The following WWOX variants were observed in gnomAD, a reference collection of about 807,000 sequenced individuals.
The protein encoded by WWOX is WW domain containing oxidoreductase.
Under a neutral mutation model 46.2 loss-of-function variants are expected in WWOX, and 69 were observed. The ratio of observed to expected loss-of-function variants is 1.49; its 90% confidence interval spans 1.23 to 1.82. The LOEUF is 1.82. Among genes scored for constraint, WWOX ranks in the 40% most tolerant of loss-of-function variants. The pLI, the probability that WWOX is intolerant of heterozygous loss-of-function variation, is 0.00. For synonymous variants in WWOX, 359 were observed against 202.6 expected (o/e 1.77, Z -6.56); for missense variants, 919 against 542.6 (o/e 1.69, Z -6.89).
At chr16:78,785,889 G>A (rs1345981953) in intron 8 of WWOX, among the ~76,000 whole-genome samples, 15 of 152,010 alleles carry the variant, frequency 9.9e-5, no homozygotes, top group Admixed American at 9.8e-4. Flanking sequence ...TTTTGAATTT[G>A]AGTTAATATT....
At chr16:78,722,126 C>T (rs2048706587) in intron 8 of WWOX, among the ~76,000 whole-genome samples, 1 of 152,182 alleles carries the variant, frequency 6.6e-6, no homozygotes, top group African/African-American at 2.4e-5. Flanking sequence ...ACATTCCAGT[C>T]CCAAAGGAGA....
At chr16:78,845,753 T>C (rs1035055872) in intron 8 of WWOX, among the ~76,000 whole-genome samples, 11 of 152,330 alleles carry the variant, frequency 7.2e-5, no homozygotes, top group Middle Eastern at 3.4e-3. Flanking sequence ...GGTTGAGATA[T>C]GTACTAATCC....
intron 8 of WWOX, among the ~76,000 whole-genome samples, chr16:78,820,232 A>T (rs2051455942): frequency 6.6e-6 from 1 of 152,156 alleles, no homozygotes; most frequent in Non-Finnish European, 1.5e-5. Context: ...AGTCATGGAC[A>T]CTGCTAAGTT....
chr16:78,939,643 T>C (rs949305071), intron 8 of WWOX, among the ~76,000 whole-genome samples: 5 of 152,230 alleles, frequency 3.3e-5, no homozygotes, highest in Admixed American at 2.0e-4. Context: ...TGATCAAATA[T>C]CGAATTATTA....
intron 8 of WWOX, among the ~76,000 whole-genome samples, chr16:79,185,215 G>A (rs1419180860): frequency 6.6e-6 from 1 of 152,138 alleles, no homozygotes; most frequent in Non-Finnish European, 1.5e-5. Flanking sequence ...TGGACTTACA[G>A]TCCCAAATAG....
chr16:78,782,624 A>C (rs2142559216), intron 8 of WWOX, among the ~76,000 whole-genome samples: 1 of 151,036 alleles, frequency 6.6e-6, no homozygotes. Flanking sequence ...AGGCTCCATT[A>C]ACCTTTTACC....
chr16:78,258,456 A>G (rs2038187856), intron 5 of WWOX, among the ~76,000 whole-genome samples: 4 of 152,256 alleles, frequency 2.6e-5, no homozygotes, highest in South Asian at 2.1e-4. Flanking sequence ...TTGGAAAACT[A>G]GATTCCCACT....
chr16:78,993,141 C>T (rs2046921187), intron 8 of WWOX, among the ~76,000 whole-genome samples: 1 of 151,652 alleles, frequency 6.6e-6, no homozygotes, highest in Admixed American at 6.6e-5. Context: ...ATTTCATAGG[C>T]AATATGTCTG....
intron 8 of WWOX, among the ~76,000 whole-genome samples, chr16:78,866,914 T>C (rs2044016243): frequency 6.6e-6 from 1 of 152,184 alleles, no homozygotes; most frequent in African/African-American, 2.4e-5. Context: ...AAACTCTTTC[T>C]TTGGTCTGAA....
intron 8 of WWOX, among the ~76,000 whole-genome samples, chr16:79,002,681 A>G (rs2047117439): frequency 6.6e-6 from 1 of 152,182 alleles, no homozygotes; most frequent in Non-Finnish European, 1.5e-5. Context: ...TCACAAGCAA[A>G]CTGGGACAGA....
chr16:78,780,628 A>C lies in WWOX; in HGVS notation c.1056+347876A>C, dbSNP rs565453344. ...AGGAAAGACAGGGAAGACCATTTTA[A>C]GGAGGTGATGTTTGAACTTAAGAAT... On this transcript the variant is annotated intron_variant, in intron 8 of 8. Coordinates refer to ENST00000566780, the MANE Select transcript of WWOX (RefSeq NM_016373.4). Among the ~76,000 whole-genome samples, 22 of 152,318 alleles carry C rather than the reference A, an allele frequency of 1.4e-4. No individual in the cohort carries two copies. In the South Asian group the frequency reaches 4.6e-3, roughly 32 times the overall value.
intron 8 of WWOX, among the ~76,000 whole-genome samples, chr16:78,494,269 C>T (rs906934014): frequency 1.3e-4 from 20 of 152,144 alleles, no homozygotes; most frequent in African/African-American, 4.6e-4. Flanking sequence ...CTGCAGAGAA[C>T]AGATTAGCCC....
intron 8 of WWOX, among the ~76,000 whole-genome samples, chr16:79,065,631 C>G (rs1308394174): frequency 6.6e-6 from 1 of 152,196 alleles, no homozygotes; most frequent in Non-Finnish European, 1.5e-5. Flanking sequence ...TTGTGACCTC[C>G]TATGCCTACA....
intron 8 of WWOX, among the ~76,000 whole-genome samples, chr16:78,758,950 A>AT (rs1491510577): frequency 7.9e-5 from 12 of 151,860 alleles, no homozygotes; most frequent in East Asian, 3.9e-4. Flanking sequence ...AAAAAAAAAA[A>AT]ACAAAAAACC....
intron 8 of WWOX, among the ~76,000 whole-genome samples, chr16:78,531,722 G>T (rs2043626727): frequency 6.6e-6 from 1 of 152,012 alleles, no homozygotes; most frequent in African/African-American, 2.4e-5. Flanking sequence ...TTCGGTTTAG[G>T]TGATGTGTGT....
At chr16:78,474,710 C>T (rs1385340019) in intron 8 of WWOX, among the ~76,000 whole-genome samples, 1 of 150,830 alleles carries the variant, frequency 6.6e-6, no homozygotes, top group African/African-American at 2.5e-5. Context: ...AGCCTGCACC[C>T]CATATTTTTT....
chr16:78,896,328 C>G (rs1386946130), intron 8 of WWOX: 1 of 151,950 alleles, frequency 6.6e-6, no homozygotes, highest in African/African-American at 2.4e-5. Flanking sequence ...TGACTGGCTT[C>G]CCAAAACCAC....
intron 8 of WWOX, among the ~76,000 whole-genome samples, chr16:78,647,969 T>C (rs1287090907): frequency 2.0e-5 from 3 of 152,240 alleles, no homozygotes; most frequent in Non-Finnish European, 2.9e-5. Flanking sequence ...GGTGGGCTTT[T>C]CTTTCTCATT....
chr16:79,065,014 G>A (rs1248109377), intron 8 of WWOX, among the ~76,000 whole-genome samples: 1 of 152,132 alleles, frequency 6.6e-6, no homozygotes, highest in Non-Finnish European at 1.5e-5. Context: ...GGGTTGCTGG[G>A]AGTTCGTCGG....
Sources: gnomAD v4.1 joint callset for allele counts (sites outside exome capture counted in the v4.1 genomes callset) on GRCh38, gnomAD v4.1.1 for gene constraint, MANE v1.5 for transcripts, NCBI Gene and HGNC (gene_info 2026-07-23, HGNC 2026-07-21) for gene names.